The following PDE12 variants were observed in gnomAD, a reference collection of about 807,000 sequenced individuals.
The protein encoded by PDE12 is phosphodiesterase 12.
Under a neutral mutation model 45.4 loss-of-function variants are expected in PDE12, and 26 were observed. The observed-to-expected ratio is 0.57, with a 90% CI of 0.42 to 0.79. The LOEUF is 0.79. Ranked by LOEUF, PDE12 falls within the 30% of genes least tolerant of loss-of-function variation. The pLI is 0.00. For synonymous variants in PDE12, 283 were observed against 323.9 expected (o/e 0.87, Z 1.36); for missense variants, 668 against 790.0 (o/e 0.85, Z 1.85).
chr3:57,640,996 T>C, the PDE12 span, among the ~76,000 whole-genome samples: 177 of 151,862 alleles, frequency 1.2e-3, no homozygotes, highest in African/African-American at 3.9e-3. Flanking sequence ...ATCAATAACC[T>C]GTGCTACAGG....
intron 1 of PDE12, among the ~76,000 whole-genome samples, 196 bp from the exon 2 acceptor site, chr3:57,559,114 C>G (rs4681999): frequency 0.84 from 127,273 of 151,936 alleles, 53,962 homozygotes; most frequent in African/African-American, 0.95. Context: ...CCAGCTACTC[C>G]GGAGGCAGAG....
the PDE12 span, among the ~76,000 whole-genome samples, chr3:57,591,377 G>T: frequency 1.3e-5 from 2 of 151,356 alleles, no homozygotes; most frequent in Non-Finnish European, 2.9e-5. Context: ...AAGAAATGAG[G>T]TGCTTATGTG....
In PDE12 at chr3:57,557,235, A is replaced by C; in HGVS notation, c.856A>C (p.Thr286Pro). The C allele has an allele frequency of 6.2e-7, 1 of 1,613,992 alleles. No homozygotes were observed. The highest frequency in any genetic ancestry group is 8.5e-7 in the Non-Finnish European group (1 of 1,179,996). Residue 286 changes from threonine to proline, a missense_variant, in exon 1 of 3, where the codon ACG (threonine) becomes CCG (proline). Physicochemically the swap from Thr to Pro is conservative, Grantham distance 38. Coordinates refer to ENST00000311180, the MANE Select transcript of PDE12 (RefSeq NM_177966.7). The stretch of plus-strand genomic sequence containing the variant: ...CACTTTTGACCACCGGCATCTCTAC[A>C]CGAAGAAGGTGACTGAGGACGCTCT... Reference protein sequence around the residue: ...TCTFDHRHLYTKKVTEDALIR... With the variant: ...TCTFDHRHLYPKKVTEDALIR...
chr3:57,644,797 AGGGGT>A, the PDE12 span, among the ~76,000 whole-genome samples: 1 of 3,930 alleles, frequency 2.5e-4, no homozygotes, highest in African/African-American at 1.6e-3. Context: ...TGGGGAGGGG[AGGGGT>A]GGGGAGGGGA....
the PDE12 span, among the ~76,000 whole-genome samples, chr3:57,575,314 A>G: frequency 1.3e-5 from 2 of 151,910 alleles, no homozygotes; most frequent in Non-Finnish European, 2.9e-5. Context: ...TCAAAAAAAA[A>G]AAAAAAGAAA....
the PDE12 span, among the ~76,000 whole-genome samples, chr3:57,653,091 C>T: frequency 2.6e-5 from 4 of 152,122 alleles, no homozygotes; most frequent in Non-Finnish European, 5.9e-5. Flanking sequence ...GACAGGGCAC[C>T]AAGTCGCCAG....
chr3:57,610,698 A>T, the PDE12 span, among the ~76,000 whole-genome samples: 11 of 152,326 alleles, frequency 7.2e-5, no homozygotes, highest in Non-Finnish European at 1.5e-4. Flanking sequence ...GGACCTCTTC[A>T]AAGAGAACTA....
At chr3:57,567,769 G>T (rs1053699182), downstream of PDE12, among the ~76,000 whole-genome samples, 1 of 152,046 alleles carries the variant, frequency 6.6e-6, no homozygotes, top group African/African-American at 2.4e-5. Context: ...CTACCAGAAG[G>T]TACAAGCACT....
the PDE12 span, among the ~76,000 whole-genome samples, chr3:57,652,303 A>G: frequency 6.6e-6 from 1 of 152,212 alleles, no homozygotes; most frequent in African/African-American, 2.4e-5. Context: ...AGGCAGCCCT[A>G]TGGAGAAGTC....
chr3:57,559,913 G>C lies in PDE12; in HGVS notation c.1739G>C (p.Ser580Thr). The C allele has an allele frequency of 6.2e-7, 1 of 1,613,950 alleles. No individual in the cohort carries two copies. The highest frequency in any genetic ancestry group is 8.5e-7 in the Non-Finnish European group (1 of 1,180,022). The change falls in exon 3 of 3, where the codon AGT (serine) becomes ACT (threonine). Residue 580 changes from serine to threonine, a missense_variant. Coordinates refer to ENST00000311180, the MANE Select transcript of PDE12 (RefSeq NM_177966.7). ...LEVEQVIPLPSHEEVTTHQAL... is the reference protein window; with the variant it reads ...LEVEQVIPLPTHEEVTTHQAL... ...GTTGAACAGGTGATTCCATTACCTA[G>C]TCATGAAGAAGTTACCACCCACCAG...
the PDE12 span, chr3:57,625,510 A>G: frequency 0.37 from 56,891 of 152,534 alleles, 12,374 homozygotes; most frequent in South Asian, 0.56. Context: ...AAATGCCTTC[A>G]CAAAACCTCT....
chr3:57,618,627 T>TTTTTTTTTTTG, the PDE12 span, among the ~76,000 whole-genome samples: 4 of 136,906 alleles, frequency 2.9e-5, no homozygotes, highest in East Asian at 2.7e-4. Context: ...TTTTTTTTTT[T>TTTTTTTTTTTG]GAGATGGAGT....
chr3:57,650,761 C>A, the PDE12 span, among the ~76,000 whole-genome samples: 1 of 150,412 alleles, frequency 6.6e-6, no homozygotes, highest in Non-Finnish European at 1.5e-5. Context: ...AATGGATAGA[C>A]AAAATGTAGT....
rs754709127 is a variant in PDE12, at chr3:57,559,349, A to G, written c.1348A>G (p.Ile450Val). The change falls in exon 2 of 3, where the codon ATA becomes GTA. Residue 450 changes from isoleucine (I) to valine (V), a missense_variant. By Grantham distance (29) the Ile-to-Val change is conservative. This residue lies in a region of PDE12 where 580 missense variants were observed against 662.9 expected (regional missense o/e 0.87). Coordinates refer to ENST00000311180, the MANE Select transcript of PDE12 (RefSeq NM_177966.7). Reference protein sequence around the residue: ...LQSTKDSSKRICVANTHLYWH... With the variant: ...LQSTKDSSKRVCVANTHLYWH... ...GTCTACAAAGGACTCTTCTAAAAGG[A>G]TATGTGTTGCTAATACCCATCTTTA... The G allele has an allele frequency of 5.6e-6, 9 of 1,613,234 alleles. No individual in the cohort carries two copies. The highest frequency in any genetic ancestry group is 1.3e-5 in the African/African-American group (1 of 75,032).
At position 57,556,894 on chromosome 3, in the gene PDE12, A is replaced by G. The variant is rs768463759; in HGVS notation, c.515A>G (p.Tyr172Cys). 9.9e-6 allele frequency: 16 copies of G among 1,614,054 alleles called. No individual in the cohort carries two copies. In the Admixed American group the frequency reaches 2.7e-4, roughly 27 times the overall value. Residue 172 changes from tyrosine to cysteine, a missense_variant, in exon 1 of 3, where the codon TAC becomes TGC. Around this residue, in one of 3 missense-constraint regions of PDE12, gnomAD observed 580 missense variants for 662.9 expected, o/e 0.87. Coordinates refer to ENST00000311180, the MANE Select transcript of PDE12 (RefSeq NM_177966.7). This position sits in a 1 kb window ranked among gnomAD's most constrained non-coding sequence, Gnocchi z 5.0. ...PAFTELQLPR[Y>C]IMAGFPVCPK... Reference sequence around the variant, plus strand: ...TTCACCGAACTGCAGTTGCCGCGCTACATCATGGCCGGGTTCCCTGTGTGC... The same window carrying G: ...TTCACCGAACTGCAGTTGCCGCGCTGCATCATGGCCGGGTTCCCTGTGTGC...
At chr3:57,618,384 C>G in the PDE12 span, among the ~76,000 whole-genome samples, 1 of 152,162 alleles carries the variant, frequency 6.6e-6, no homozygotes, top group African/African-American at 2.4e-5. Flanking sequence ...TCAATAGATG[C>G]AGATACAAAT....
chr3:57,599,394 T>C, the PDE12 span, among the ~76,000 whole-genome samples: 47 of 152,322 alleles, frequency 3.1e-4, no homozygotes, highest in South Asian at 9.5e-3. Context: ...GGCCCCAAGA[T>C]TTATTTTCCT....
the PDE12 span, among the ~76,000 whole-genome samples, chr3:57,575,205 A>C: frequency 6.6e-6 from 1 of 152,050 alleles, no homozygotes; most frequent in African/African-American, 2.4e-5. Context: ...TTAATAAGAA[A>C]GCCAGATTTC....
chr3:57,641,600 A>G, the PDE12 span: 4 of 1,425,190 alleles, frequency 2.8e-6, no homozygotes, highest in Non-Finnish European at 3.8e-6. Flanking sequence ...AAAGAAAGAA[A>G]CCTGTTCAGC....
Sources: gnomAD v4.1 joint callset for allele counts (sites outside exome capture counted in the v4.1 genomes callset) on GRCh38, gnomAD v4.1.1 for gene constraint, gnomAD v4.1.1 regional missense constraint, Gnocchi (gnomAD v3.1) non-coding constraint, MANE v1.5 for transcripts, NCBI Gene and HGNC (gene_info 2026-07-23, HGNC 2026-07-21) for gene names.